The following PLEKHG5 variants were observed in gnomAD, a reference collection of about 807,000 sequenced individuals.
PLEKHG5 encodes the protein pleckstrin homology and RhoGEF domain containing G5, also known as pleckstrin homology domain-containing family G member 5.
A neutral mutation model predicts 103.8 loss-of-function variants in PLEKHG5; 52 were observed. That is an observed-to-expected ratio of 0.50 (90% CI 0.40 to 0.63). PLEKHG5 has a LOEUF of 0.63. Ranked by LOEUF, PLEKHG5 falls within the 30% of genes least tolerant of loss-of-function variation. The pLI is 0.00. For synonymous variants in PLEKHG5, 592 were observed against 575.5 expected (o/e 1.03, Z -0.41); for missense variants, 1,205 against 1,347.6 (o/e 0.89, Z 1.66).
chr1:6,477,043 C>T (rs976842082), intron 2 of PLEKHG5, among the ~76,000 whole-genome samples: 2 of 152,024 alleles, frequency 1.3e-5, no homozygotes, highest in Non-Finnish European at 2.9e-5. Context: ...TGGGTGCCTG[C>T]GAGCCACTCC....
Position 6,475,054 on chromosome 1 carries a change from ACTT to A in PLEKHG5, c.292_294del (p.Lys98del), listed in dbSNP as rs781153386. On this transcript the variant is annotated inframe_deletion, in exon 5 of 21. Transcript: ENST00000377728. ...AGCCCCATCAAGCCCTACCCCAGTG[ACTT>A]CTTCTTCATGGCTGGGACGATCTCT... The A allele has an allele frequency of 2.3e-5, 37 of 1,596,598 alleles. No individual in the cohort carries two copies. Among genetic ancestry groups the A allele is most frequent in the East Asian group, 4.5e-5 (2 of 44,774 alleles).
At chr1:6,481,524 AAAATAAAT>A (rs199883420) in intron 1 of PLEKHG5, among the ~76,000 whole-genome samples, 1,771 of 144,206 alleles carry the variant, frequency 0.012, 16 homozygotes, top group African/African-American at 0.018. Flanking sequence ...ACTCCGTCTC[AAAATAAAT>A]AAATAAATAA....
At chr1:6,488,876 G>A (rs1384445702) in intron 1 of PLEKHG5, among the ~76,000 whole-genome samples, 1 of 152,058 alleles carries the variant, frequency 6.6e-6, no homozygotes, top group African/African-American at 2.4e-5. Context: ...ATGAATAATG[G>A]AGTCTCCAAG....
intron 3 of PLEKHG5, 105 bp downstream of exon 3, chr1:6,475,826 G>A: frequency 1.0e-6 from 1 of 997,010 alleles, no homozygotes; most frequent in Non-Finnish European, 1.6e-6. Context: ...CTGCCCATCA[G>A]CCTTACTTGA....
In PLEKHG5 at chr1:6,505,239, C is replaced by T. The variant is rs1638278529; in HGVS notation, c.-164-8670G>A. ...CTGACAGAGCTAGGTCCCCAGCCCA[C>T]AGTGCCGGTCAGCCCACTGTGCCGA... On this transcript the variant is annotated intron_variant, in intron 1 of 21. Coordinates refer to the PLEKHG5 transcript ENST00000377740. This position sits in a 1 kb window ranked among gnomAD's most constrained non-coding sequence, Gnocchi z 4.2. Among the ~76,000 whole-genome samples, 1 of 152,142 alleles carries T rather than the reference C, an allele frequency of 6.6e-6. No homozygotes were observed. Among genetic ancestry groups the T allele is most frequent in the African/African-American group, 2.4e-5 (1 of 41,426 alleles).
upstream of PLEKHG5, chr1:6,497,146 G>C: frequency 9.4e-7 from 1 of 1,063,436 alleles, no homozygotes; most frequent in South Asian, 1.4e-5. This position sits in a 1 kb window ranked among gnomAD's most constrained non-coding sequence, Gnocchi z 6.1. Flanking sequence ...GAGGAGAAGC[G>C]GGGTGCTGCC....
Position 6,491,347 on chromosome 1 carries a change from A to C in PLEKHG5, c.-88+290T>G, listed in dbSNP as rs1456988642. ...CCAAAACCTCCAGACTGCCCCACACAACCCTTGGGGCTGGGCCTATACTAG... is the reference window on the plus strand; with the variant it reads ...CCAAAACCTCCAGACTGCCCCACACCACCCTTGGGGCTGGGCCTATACTAG... On this transcript the variant is annotated intron_variant, in intron 1 of 20. Coordinates refer to ENST00000377728, the MANE Select transcript of PLEKHG5 (RefSeq NM_020631.6). This position sits in a 1 kb window ranked among gnomAD's most constrained non-coding sequence, Gnocchi z 4.1. Among the ~76,000 whole-genome samples, 1 of 151,974 alleles carries C rather than the reference A, an allele frequency of 6.6e-6. No homozygotes were observed. The highest frequency in any genetic ancestry group is 2.4e-5 in the African/African-American group (1 of 41,360).
At chr1:6,497,593 C>T (rs1378446040), upstream of PLEKHG5, among the ~76,000 whole-genome samples, 3 of 152,072 alleles carry the variant, frequency 2.0e-5, no homozygotes, top group African/African-American at 4.8e-5. The surrounding 1 kb of genome is among the most constrained non-coding windows in gnomAD (Gnocchi z 6.1). Flanking sequence ...CTCCACCTCC[C>T]GGAGGGCGGG....
intron 1 of PLEKHG5, among the ~76,000 whole-genome samples, chr1:6,508,264 G>A (rs1638379214): frequency 6.6e-6 from 1 of 152,210 alleles, no homozygotes; most frequent in Admixed American, 6.5e-5. Flanking sequence ...GCCAAGAGGA[G>A]GAGGCCGGGC....
rs369955570 is a variant in PLEKHG5 at position 6,469,692 on chromosome 1, G to A, written c.1801-16C>T. ...ACACATCCATCTGCAGTGGCAGGAG[G>A]GGGGGTGGCCAGAGAGGCCAGCAGG... is the stretch of plus-strand genomic sequence containing the variant. On this transcript the variant is annotated splice_polypyrimidine_tract_variant and intron_variant, in intron 16 of 20. Transcript: ENST00000377728. 17 of 1,610,678 alleles carry A rather than the reference G, an allele frequency of 1.1e-5. No homozygotes were observed. Among genetic ancestry groups the A allele is most frequent in the South Asian group, 3.3e-5 (3 of 91,024 alleles).
At chr1:6,479,488 G>T (rs1049580890) in intron 1 of PLEKHG5, among the ~76,000 whole-genome samples, 3 of 151,872 alleles carry the variant, frequency 2.0e-5, no homozygotes, top group Non-Finnish European at 4.4e-5. Context: ...GGGTTTCACC[G>T]TGTTAGCCAG....
At chr1:6,512,551 C>T (rs1209305798) in intron 1 of PLEKHG5, among the ~76,000 whole-genome samples, 3 of 152,228 alleles carry the variant, frequency 2.0e-5, no homozygotes, top group Admixed American at 6.5e-5. Context: ...AGCATCTGGC[C>T]GGACCATCAT....
chr1:6,480,798 A>G (rs996383974), intron 1 of PLEKHG5, among the ~76,000 whole-genome samples: 1 of 151,642 alleles, frequency 6.6e-6, no homozygotes, highest in Non-Finnish European at 1.5e-5. Context: ...ACAGGCATGT[A>G]CCACCATACC....
At position 6,486,491 on chromosome 1, in the gene PLEKHG5, T is replaced by A. The variant is rs1569944927; in HGVS notation, c.-88+5146A>T. 6.6e-6 allele frequency among the ~76,000 whole-genome samples: 1 copy of A among 152,318 alleles called. No individual in the cohort carries two copies. The highest frequency in any genetic ancestry group is 3.4e-3 in the Middle Eastern group (1 of 294). ...CCGAGAGCCAAAGGCCGGTGGCCTC[T>A]GGAAAGGGCCGTGGGCAGAAGGCGG... On this transcript the variant is annotated intron_variant, in intron 1 of 20. Transcript: ENST00000377728. The surrounding 1 kb of genome is among the most constrained non-coding windows in gnomAD (Gnocchi z 5.3).
chr1:6,487,620 A>G lies in PLEKHG5; in HGVS notation c.-88+4017T>C, dbSNP rs112612449. On this transcript the variant is annotated intron_variant, in intron 1 of 20. Coordinates refer to ENST00000377728, the MANE Select transcript of PLEKHG5 (RefSeq NM_020631.6). This position sits in a 1 kb window ranked among gnomAD's most constrained non-coding sequence, Gnocchi z 4.1. ...CACGCACCCTATCTTGAAACAGCTGACACCGGGCCCCAACTTAAATGTTAC... is the reference window on the plus strand; with the variant it reads ...CACGCACCCTATCTTGAAACAGCTGGCACCGGGCCCCAACTTAAATGTTAC... Among the ~76,000 whole-genome samples, 17,711 of 152,064 alleles carry G rather than the reference A, an allele frequency of 0.12. 1,675 individuals are homozygous for G. Among genetic ancestry groups the G allele is most frequent in the African/African-American group, 0.26 (10,703 of 41,424 alleles).
At chr1:6,514,589 T>C (rs1386841629) in intron 1 of PLEKHG5, among the ~76,000 whole-genome samples, 60 of 144,742 alleles carry the variant, frequency 4.1e-4, no homozygotes, top group African/African-American at 1.5e-3. Context: ...GGTGAAACCT[T>C]GTCTCTACTA....
At chr1:6,503,510 T>A (rs149326770) in intron 1 of PLEKHG5, among the ~76,000 whole-genome samples, 1,570 of 150,762 alleles carry the variant, frequency 0.01, 34 homozygotes, top group African/African-American at 0.037. Flanking sequence ...CGGGTTCAAG[T>A]GATTCTCCTG....
chr1:6,485,495 C>T (rs1479375535), intron 1 of PLEKHG5: 3 of 1,239,710 alleles, frequency 2.4e-6, no homozygotes, highest in Admixed American at 4.3e-5. Flanking sequence ...AAGCGCGGAG[C>T]CCCGCTTCCT....
upstream of PLEKHG5, among the ~76,000 whole-genome samples, chr1:6,499,644 C>T (rs1645273877): frequency 6.6e-6 from 1 of 152,134 alleles, no homozygotes; most frequent in South Asian, 2.1e-4. Context: ...GAGGTCAGGA[C>T]AAGCAGTCCC....
Sources: allele counts gnomAD v4.1 joint callset (sites outside exome capture counted in the v4.1 genomes callset), GRCh38; gene constraint gnomAD v4.1.1; non-coding constraint Gnocchi (gnomAD v3.1); transcripts MANE v1.5; gene names NCBI Gene and HGNC (gene_info 2026-07-23, HGNC 2026-07-21).